Variants in GSDMB observed in about 807,000 individuals in gnomAD.
GSDMB encodes gasdermin B.
A neutral mutation model predicts 42.9 loss-of-function variants in GSDMB; 32 were observed. That is an observed-to-expected ratio of 0.75 (90% CI 0.56 to 1.00). GSDMB has a LOEUF of 1.00. Ranked by LOEUF, GSDMB falls within the 50% of genes least tolerant of loss-of-function variation. The pLI is 0.00. For synonymous variants in GSDMB, 175 were observed against 193.7 expected, an observed-to-expected ratio of 0.90 and a Z score of 0.80; for missense variants, 468 against 498.5, an observed-to-expected ratio of 0.94 and a Z score of 0.58.
Position 39,904,872 on chromosome 17 carries a change from C to G in GSDMB, c.1191G>C (p.Leu397=). 2 of 1,613,732 alleles carry G rather than the reference C, an allele frequency of 1.2e-6. No individual in the cohort carries two copies. Among genetic ancestry groups the G allele is most frequent in the Non-Finnish European group, 1.7e-6 (2 of 1,179,678 alleles). The change falls in exon 11 of 11, where the codon CTG becomes CTC. Residue 397 remains leucine (L), a synonymous_variant. Transcript: ENST00000418519. ...YDPEARILCA[L]YVVVSILLEL... ...CCAGCAGGATAGAGACAACAACATACAGCGCACAGAGAATTCGTGCCTCAG... is the reference window on the plus strand; with the variant it reads ...CCAGCAGGATAGAGACAACAACATAGAGCGCACAGAGAATTCGTGCCTCAG...
At chr17:39,908,471 C>T (rs1318088454) in intron 5 of GSDMB, among the ~76,000 whole-genome samples, 4 of 150,142 alleles carry the variant, frequency 2.7e-5, no homozygotes, top group Non-Finnish European at 5.9e-5. Context: ...CCTCCACTTC[C>T]CAGGTTCAAG....
At chr17:39,912,561 C>T (rs1256511187) in intron 2 of GSDMB, 64 bp from the exon 3 acceptor site, 6 of 1,318,944 alleles carry the variant, frequency 4.5e-6, no homozygotes, top group Non-Finnish European at 6.6e-6. Context: ...TCCAAAACAC[C>T]CTCCCTGGGG....
intron 7 of GSDMB, chr17:39,906,690 C>T: frequency 9.0e-7 from 1 of 1,105,878 alleles, no homozygotes; most frequent in South Asian, 2.3e-5. Flanking sequence ...GTCCAGGCCA[C>T]ACCCCCACAA....
chr17:39,917,399 T>A, intron 1 of GSDMB, 69 bp from the exon 2 acceptor site: 1 of 927,960 alleles, frequency 1.1e-6, no homozygotes, highest in African/African-American at 1.6e-5. Context: ...ATCTTCCACA[T>A]TTGGCAGCCT....
In GSDMB at chr17:39,905,895, C is replaced by T; in HGVS notation, c.979G>A (p.Val327Ile). The T allele has an allele frequency of 6.2e-7, 1 of 1,614,134 alleles. No individual in the cohort carries two copies. The highest frequency in any genetic ancestry group is 1.1e-5 in the South Asian group (1 of 91,084). ...AGAATGGCTTTTGCACGCGCTTCTA[C>T]CAAGACCCCAGCAGCATTAAAAAGG... is the stretch of plus-strand genomic sequence containing the variant. Reference protein sequence around the residue: ...SSLFNAAGVLVEARAKAILDF... With the variant: ...SSLFNAAGVLIEARAKAILDF... Residue 327 changes from valine (V) to isoleucine (I), a missense_variant, in exon 9 of 11, where the codon GTA becomes ATA. Physicochemically the swap from Val to Ile is conservative, Grantham distance 29 (BLOSUM62 3). Transcript: ENST00000418519.
Position 39,909,011 on chromosome 17 carries a change from C to T in GSDMB, c.608G>A (p.Arg203Gln), listed in dbSNP as rs375176653. 12 of 1,602,876 alleles carry T rather than the reference C, an allele frequency of 7.5e-6. No individual in the cohort carries two copies. The highest frequency in any genetic ancestry group is 6.7e-5 in the African/African-American group (5 of 74,224). The change falls in exon 5 of 11, where the codon CGG becomes CAG. Residue 203 changes from arginine (R) to glutamine (Q), a missense_variant. By Grantham distance (43) the Arg-to-Gln change is conservative. Coordinates refer to ENST00000418519, the MANE Select transcript of GSDMB (RefSeq NM_001165958.2). ...CTGCTTTACTCGATAGCTCAGGACC[C>T]GATTTGGGGGGATGGTCACTTCCCT... ...GQREVTIPPN[R>Q]VLSYRVKQLV... is the part of the protein sequence containing the mutation.
At chr17:39,908,001 G>A (rs571252162) in intron 6 of GSDMB, among the ~76,000 whole-genome samples, 175 bp downstream of exon 6, 2 of 152,308 alleles carry the variant, frequency 1.3e-5, no homozygotes, top group African/African-American at 2.4e-5. Flanking sequence ...ACCCTAGTCC[G>A]ATGTGCAATC....
chr17:39,906,587 A>C lies in GSDMB; in HGVS notation c.728-316T>G, dbSNP rs573564348. ...ATTCAAAGTGCAGTCCTCAGGCCAC[A>C]CTAGAAGTAATTAGGATTTGGAGAA... On this transcript the variant is annotated intron_variant, in intron 7 of 10. Coordinates refer to ENST00000418519, the MANE Select transcript of GSDMB (RefSeq NM_001165958.2). 2.3e-6 allele frequency: 3 copies of C among 1,318,114 alleles called. No homozygotes were observed. The South Asian group carries it at 6.2e-5, about 27-fold the overall frequency. 81.7% of individuals were successfully genotyped at this position (1,318,114 alleles called of 1,614,324 possible).
At chr17:39,912,188 A>G in intron 3 of GSDMB, 138 bp downstream of exon 3, 1 of 637,148 alleles carries the variant, frequency 1.6e-6, no homozygotes, top group Non-Finnish European at 2.7e-6. Flanking sequence ...CCAGTCCCCC[A>G]CAAAGCTCAT....
At chr17:39,918,085 G>A (rs1165243969) in intron 1 of GSDMB, 1 of 152,276 alleles carries the variant, frequency 6.6e-6, no homozygotes, top group Admixed American at 6.5e-5. Flanking sequence ...GGGATGGAAA[G>A]GCAGGCCCAC....
At chr17:39,907,157 C>T (rs2144675193) in intron 6 of GSDMB, 170 bp from the exon 7 acceptor site, 3 of 1,445,760 alleles carry the variant, frequency 2.1e-6, no homozygotes, top group Non-Finnish European at 2.7e-6. Flanking sequence ...ACTGTATTTG[C>T]AGACCCTTCC....
chr17:39,906,803 G>A, intron 7 of GSDMB, 158 bp downstream of exon 7: 1 of 1,480,276 alleles, frequency 6.8e-7, no homozygotes, highest in South Asian at 1.4e-5. Flanking sequence ...GTTTAGAGGA[G>A]ACAGATGCAG....
chr17:39,905,224 T>TA (rs2063482881), intron 10 of GSDMB: 1 of 606,082 alleles, frequency 1.6e-6, no homozygotes, highest in African/African-American at 1.9e-5. Flanking sequence ...TGCCCACAGA[T>TA]AAAAAACAGA....
chr17:39,911,222 T>C (rs927615781), intron 3 of GSDMB, among the ~76,000 whole-genome samples: 7 of 144,040 alleles, frequency 4.9e-5, no homozygotes, highest in South Asian at 4.3e-4. Context: ...CCTCGGGAGG[T>C]TGAGGCAGAA....
chr17:39,906,795 T>C (rs1375190318), intron 7 of GSDMB, 166 bp downstream of exon 7: 1 of 1,466,898 alleles, frequency 6.8e-7, no homozygotes, highest in Non-Finnish European at 9.0e-7. Flanking sequence ...ACCACTGTGT[T>C]TAGAGGAGAC....
chr17:39,905,750 A>G, intron 9 of GSDMB, 97 bp downstream of exon 9: 3 of 1,353,812 alleles, frequency 2.2e-6, no homozygotes, highest in South Asian at 2.6e-5. Flanking sequence ...TAAACTGTGA[A>G]GAGCAACATG....
At chr17:39,909,952 T>C (rs2063578094) in intron 3 of GSDMB, 28 bp from the exon 4 acceptor site, 2 of 1,584,708 alleles carry the variant, frequency 1.3e-6, no homozygotes, top group Admixed American at 1.7e-5. Context: ...AGATGAGAGT[T>C]AAGGATCTCA....
chr17:39,908,138 T>C, intron 6 of GSDMB, 38 bp downstream of exon 6: 2 of 1,240,700 alleles, frequency 1.6e-6, no homozygotes, highest in Non-Finnish European at 2.3e-6. Flanking sequence ...CTTTGCCCAT[T>C]CTGAAATGAC....
chr17:39,910,533 G>T (rs911757072), intron 3 of GSDMB, among the ~76,000 whole-genome samples: 12 of 150,582 alleles, frequency 8.0e-5, no homozygotes, highest in Non-Finnish European at 1.5e-4. Flanking sequence ...GTGTAGAGCT[G>T]GGATTCAAAC....
Sources: allele counts gnomAD v4.1 joint callset (sites outside exome capture counted in the v4.1 genomes callset), GRCh38; gene constraint gnomAD v4.1.1; transcripts MANE v1.5; gene names NCBI Gene and HGNC (gene_info 2026-07-23, HGNC 2026-07-21).